The following TPM4 variants were observed in gnomAD, a reference collection of about 807,000 sequenced individuals.
TPM4 encodes tropomyosin alpha-4 chain.
A neutral mutation model predicts 35.8 loss-of-function variants in TPM4; 17 were observed. The observed-to-expected ratio is 0.47, with a 90% confidence interval of 0.32 to 0.71. TPM4 has a LOEUF of 0.71. Ranked by LOEUF, TPM4 falls within the 30% of genes least tolerant of loss-of-function variation. The probability of loss-of-function intolerance (pLI) is 0.03; values close to 1 mark genes in which losing one functional copy is unlikely to be tolerated. For missense variants in TPM4, 240 were observed against 320.9 expected (o/e 0.75, Z 1.93); for synonymous variants, 120 against 122.9 (o/e 0.98, Z 0.15).
At chr19:16,089,267 C>T (rs1599377724) in intron 5 of TPM4, 147 bp downstream of exon 5, 1 of 1,025,168 alleles carries the variant, frequency 9.8e-7, no homozygotes, top group Non-Finnish European at 1.4e-6. Flanking sequence ...TTTTCCCCTA[C>T]AGAAAGAGCT....
chr19:16,095,614 T>G (rs2090686983), intron 7 of TPM4: 1 of 1,007,956 alleles, frequency 9.9e-7, no homozygotes, highest in Non-Finnish European at 1.2e-6. Flanking sequence ...CCTCTCTCAC[T>G]CACAAATGAA....
chr19:16,071,518 C>T (rs1008386954), upstream of TPM4, among the ~76,000 whole-genome samples: 1 of 152,192 alleles, frequency 6.6e-6, no homozygotes, highest in African/African-American at 2.4e-5. Context: ...ACTGAGGACA[C>T]GTTCCTGCAC....
intron 2 of TPM4, among the ~76,000 whole-genome samples, chr19:16,084,620 C>A (rs1568305290): frequency 6.6e-6 from 1 of 152,202 alleles, no homozygotes; most frequent in African/African-American, 2.4e-5. Context: ...TGCTGTGTCT[C>A]AGTAGAAAGA....
chr19:16,072,714 G>A (rs1337008484), upstream of TPM4, among the ~76,000 whole-genome samples: 1 of 152,074 alleles, frequency 6.6e-6, no homozygotes, highest in Non-Finnish European at 1.5e-5. Context: ...TCAGGAGTTC[G>A]AGACCAGCCT....
At chr19:16,075,790 G>GC (rs2090397284), upstream of TPM4, 3 of 409,264 alleles carry the variant, frequency 7.3e-6, no homozygotes, top group Non-Finnish European at 1.3e-5. Context: ...AGCTGCCATT[G>GC]ATCTCCCTAG....
chr19:16,084,955 T>C (rs1007840914), intron 2 of TPM4, among the ~76,000 whole-genome samples: 1 of 152,106 alleles, frequency 6.6e-6, no homozygotes, highest in African/African-American at 2.4e-5. Flanking sequence ...TCTTTTCTTG[T>C]TTTAAATACA....
At chr19:16,088,285 G>A in intron 4 of TPM4, 188 bp downstream of exon 4, 1 of 1,411,520 alleles carries the variant, frequency 7.1e-7, no homozygotes, top group African/African-American at 1.4e-5. Flanking sequence ...TACTGCCATG[G>A]GAAGCACTGC....
chr19:16,097,647 C>T (rs1330364073), intron 7 of TPM4, among the ~76,000 whole-genome samples: 3 of 152,110 alleles, frequency 2.0e-5, no homozygotes, highest in African/African-American at 7.2e-5. Flanking sequence ...CTGGTTCTCC[C>T]CTGCATCCTA....
chr19:16,097,868 T>G (rs1043853690), intron 7 of TPM4, among the ~76,000 whole-genome samples: 3 of 152,104 alleles, frequency 2.0e-5, no homozygotes, highest in African/African-American at 7.2e-5. Context: ...TCCTCCAAAA[T>G]GCACCTCCCC....
intron 7 of TPM4, among the ~76,000 whole-genome samples, chr19:16,096,936 CTTTTTTTTTTTTT>C (rs71178641): frequency 1.4e-3 from 95 of 69,044 alleles, no homozygotes; most frequent in East Asian, 6.3e-3. Context: ...CAAGGTCACT[CTTTTTTTTTTTTT>C]TTTTTTTTTT....
intron 1 of TPM4, chr19:16,081,498 T>C (rs142482203): frequency 0.02 from 3,279 of 160,706 alleles, 117 homozygotes; most frequent in African/African-American, 0.075. Context: ...CGGGTTCAAG[T>C]GATTCTTCTG....
In TPM4 at chr19:16,088,137, C is replaced by A. The variant is rs546470230; in HGVS notation, c.455+40C>A. ...AGGACTGAGCGAGGCTGGCTCGATT[C>A]CTGGGGCGGAGTGGGAAGGAGCTGG... On this transcript the variant is annotated intron_variant, in intron 4 of 7. Coordinates refer to ENST00000643579, the MANE Select transcript of TPM4 (RefSeq NM_003290.3). The A allele has an allele frequency of 7.3e-5, 116 of 1,589,422 alleles. No homozygotes were observed. The South Asian group carries it at 1.3e-3, about 17-fold the overall frequency.
intron 7 of TPM4, chr19:16,095,402 G>A (rs1329340624): frequency 1.9e-6 from 2 of 1,032,452 alleles, no homozygotes; most frequent in Admixed American, 5.7e-5. Flanking sequence ...CTACGCCCCT[G>A]TGGGCTTCTA....
intron 7 of TPM4, among the ~76,000 whole-genome samples, chr19:16,099,438 G>T (rs1024489966): frequency 2.0e-5 from 3 of 151,954 alleles, no homozygotes; most frequent in African/African-American, 7.2e-5. Flanking sequence ...ACAAGAATTG[G>T]CTGGGTGTAG....
At chr19:16,089,570 G>T (rs1303591247) in intron 5 of TPM4, among the ~76,000 whole-genome samples, 1 of 152,082 alleles carries the variant, frequency 6.6e-6, no homozygotes, top group African/African-American at 2.4e-5. Flanking sequence ...CACTTCCACG[G>T]CCGAACCCCA....
At chr19:16,099,445 G>A (rs2090739840) in intron 7 of TPM4, among the ~76,000 whole-genome samples, 1 of 152,010 alleles carries the variant, frequency 6.6e-6, no homozygotes, top group South Asian at 2.1e-4. Context: ...TTGGCTGGGT[G>A]TAGTGGCACG....
At chr19:16,079,176 C>G (rs2090450649) in intron 1 of TPM4, among the ~76,000 whole-genome samples, 1 of 152,176 alleles carries the variant, frequency 6.6e-6, no homozygotes, top group African/African-American at 2.4e-5. Context: ...CGTTGTTTGC[C>G]AGGATTCAGA....
intron 2 of TPM4, among the ~76,000 whole-genome samples, chr19:16,069,370 G>C (rs1457284882): frequency 6.6e-6 from 1 of 151,322 alleles, no homozygotes; most frequent in African/African-American, 2.4e-5. Flanking sequence ...TATGTGTGTG[G>C]ATGAGTGTGT....
chr19:16,094,503 T>C (rs978953459), intron 7 of TPM4, among the ~76,000 whole-genome samples: 6 of 151,052 alleles, frequency 4.0e-5, no homozygotes, highest in African/African-American at 1.5e-4. Flanking sequence ...GCCACAGCTC[T>C]CCAGCCTGGG....
Sources: gnomAD v4.1 joint callset for allele counts (sites outside exome capture counted in the v4.1 genomes callset) on GRCh38, gnomAD v4.1.1 for gene constraint, MANE v1.5 for transcripts, NCBI Gene and HGNC (gene_info 2026-07-23, HGNC 2026-07-21) for gene names.